Variants in ADGRB3 observed in about 807,000 individuals in gnomAD.
ADGRB3 encodes adhesion G protein-coupled receptor B3.
In ADGRB3, 37 loss-of-function variants were observed where a neutral mutation model predicts 193.4. The observed-to-expected ratio is 0.19, with a 90% confidence interval of 0.15 to 0.25. The LOEUF (loss-of-function observed/expected upper bound fraction) is 0.25. ADGRB3 is among the 10% of genes least tolerant of loss of function. ADGRB3 has a pLI of 1.00. For missense variants in ADGRB3, 1,637 were observed against 1,852.9 expected (o/e 0.88, Z 2.14); for synonymous variants, 690 against 644.2 (o/e 1.07, Z -1.08).
At chr6:69,082,282 G>A (rs1201192086) in intron 17 of ADGRB3, among the ~76,000 whole-genome samples, 1 of 151,984 alleles carries the variant, frequency 6.6e-6, no homozygotes, top group Admixed American at 6.6e-5. Flanking sequence ...TGAAGTAAAT[G>A]AATGAAATAT....
chr6:69,287,402 C>G (rs1767575450), intron 20 of ADGRB3, among the ~76,000 whole-genome samples: 1 of 151,674 alleles, frequency 6.6e-6, no homozygotes, highest in African/African-American at 2.4e-5. Context: ...TAACTTACAC[C>G]AATGTTCAAC....
intron 15 of ADGRB3, among the ~76,000 whole-genome samples, chr6:69,059,152 A>G (rs1048440396): frequency 1.3e-5 from 2 of 152,066 alleles, no homozygotes; most frequent in Admixed American, 6.6e-5. Context: ...TTAGGTGCAC[A>G]TATATTTATA....
chr6:68,724,853 G>T (rs576556403), intron 3 of ADGRB3, among the ~76,000 whole-genome samples: 4 of 151,754 alleles, frequency 2.6e-5, no homozygotes, highest in African/African-American at 9.6e-5. Context: ...GCAAGACATG[G>T]TCTGTGCATT....
At chr6:69,035,262 A>C (rs7770947) in intron 13 of ADGRB3, among the ~76,000 whole-genome samples, 1 of 151,914 alleles carries the variant, frequency 6.6e-6, no homozygotes, top group African/African-American at 2.4e-5. Context: ...TATTGCTGCT[A>C]TTGCCCCTTT....
At chr6:68,983,378 C>G (rs1403306398) in intron 10 of ADGRB3, among the ~76,000 whole-genome samples, 1 of 151,038 alleles carries the variant, frequency 6.6e-6, no homozygotes, top group Admixed American at 6.6e-5. Flanking sequence ...CACGGCCATA[C>G]CACTCTGAAT....
intron 17 of ADGRB3, among the ~76,000 whole-genome samples, chr6:69,144,356 A>G (rs1297365208): frequency 6.6e-6 from 1 of 152,204 alleles, no homozygotes; most frequent in Non-Finnish European, 1.5e-5. Flanking sequence ...ATCTGCAAAC[A>G]AGGATAATTT....
chr6:69,354,570 G>A (rs1402671808), intron 27 of ADGRB3, among the ~76,000 whole-genome samples: 1 of 152,158 alleles, frequency 6.6e-6, no homozygotes, highest in East Asian at 1.9e-4. Flanking sequence ...TGTGAAGTAT[G>A]TTCCTCCTTG....
At chr6:68,784,341 G>A (rs2127362735) in intron 3 of ADGRB3, among the ~76,000 whole-genome samples, 2 of 152,184 alleles carry the variant, frequency 1.3e-5, no homozygotes, top group South Asian at 4.1e-4. Context: ...AGCGATACCA[G>A]TGTTACTTTT....
chr6:68,735,661 C>T (rs958530904), intron 3 of ADGRB3, among the ~76,000 whole-genome samples: 1 of 151,964 alleles, frequency 6.6e-6, no homozygotes, highest in African/African-American at 2.4e-5. Context: ...TGCTTTTAAA[C>T]TGAATAACCC....
chr6:68,919,944 T>A (rs1766989481), intron 3 of ADGRB3, among the ~76,000 whole-genome samples: 1 of 152,186 alleles, frequency 6.6e-6, no homozygotes. Flanking sequence ...TTACCCTTTA[T>A]TAATCAAGAA....
At chr6:69,138,386 A>C (rs952853647) in intron 17 of ADGRB3, among the ~76,000 whole-genome samples, 2 of 152,220 alleles carry the variant, frequency 1.3e-5, no homozygotes, top group East Asian at 3.8e-4. Context: ...ATAGCTATGT[A>C]ATGACTCTGA....
intron 3 of ADGRB3, among the ~76,000 whole-genome samples, chr6:68,878,790 G>C (rs1438706034): frequency 6.6e-6 from 1 of 152,138 alleles, no homozygotes; most frequent in Non-Finnish European, 1.5e-5. Flanking sequence ...GGTTTAACTG[G>C]ACTTACAGTT....
intron 3 of ADGRB3, among the ~76,000 whole-genome samples, chr6:68,775,372 G>A (rs1766719527): frequency 6.6e-6 from 1 of 152,062 alleles, no homozygotes; most frequent in African/African-American, 2.4e-5. Context: ...CCAGGCTGCT[G>A]TGGGTCACTA....
chr6:69,270,793 A>G (rs1466203905), intron 20 of ADGRB3, among the ~76,000 whole-genome samples: 1 of 152,228 alleles, frequency 6.6e-6, no homozygotes, highest in Non-Finnish European at 1.5e-5. Context: ...TACAACACAC[A>G]AATTAAATCA....
chr6:69,388,885 A>G lies in ADGRB3; in HGVS notation c.4563A>G (p.Glu1521=), dbSNP rs1374925068. 1.2e-6 allele frequency: 2 copies of G among 1,610,538 alleles called. No homozygotes were observed. The highest frequency in any genetic ancestry group is 1.1e-5 in the South Asian group (1 of 90,584). Residue 1521 remains glutamate, a synonymous_variant, in exon 32 of 32, where the codon GAA becomes GAG. Coordinates refer to ENST00000370598, the MANE Select transcript of ADGRB3 (RefSeq NM_001704.3). ...TGCAAGAGGGTGACTTTCAAACAGAAGTTTAAAAAAATCAAAATGGACTAA... is the reference window on the plus strand; with the variant it reads ...TGCAAGAGGGTGACTTTCAAACAGAGGTTTAAAAAAATCAAAATGGACTAA... ...LDVQEGDFQT[E]V is the part of the protein sequence containing the mutation.
intron 20 of ADGRB3, among the ~76,000 whole-genome samples, chr6:69,291,549 A>G (rs1767682392): frequency 6.6e-6 from 1 of 152,214 alleles, no homozygotes. Context: ...CCTTAGTATC[A>G]TTAGCAGTAA....
Position 68,916,647 on chromosome 6 carries a change from A to C in ADGRB3, c.758-13912A>C, listed in dbSNP as rs557698487. 9.5e-4 allele frequency among the ~76,000 whole-genome samples: 145 copies of C among 152,336 alleles called. 2 individuals are homozygous for C. The highest frequency in any genetic ancestry group is 1.6e-3 in the Non-Finnish European group (111 of 68,024). The stretch of plus-strand genomic sequence containing the variant: ...AGTACTTTGTATTTGATAGTCGGGA[A>C]GGGTCTCTTGAAAGGGGTGAAATTT... On this transcript the variant is annotated intron_variant, in intron 3 of 31. Transcript: ENST00000370598.
intron 20 of ADGRB3, among the ~76,000 whole-genome samples, chr6:69,291,913 C>G (rs1767692658): frequency 6.6e-6 from 1 of 152,146 alleles, no homozygotes; most frequent in Non-Finnish European, 1.5e-5. Flanking sequence ...ATAAGACCCT[C>G]ATGTGAGAGG....
chr6:69,272,765 A>G (rs1016528761), intron 20 of ADGRB3, among the ~76,000 whole-genome samples: 6 of 152,338 alleles, frequency 3.9e-5, no homozygotes, highest in Non-Finnish European at 8.8e-5. Flanking sequence ...GTAGCTGTAA[A>G]GGGATTGGTG....
Sources: allele counts gnomAD v4.1 joint callset (sites outside exome capture counted in the v4.1 genomes callset), GRCh38; gene constraint gnomAD v4.1.1; transcripts MANE v1.5; gene names NCBI Gene and HGNC (gene_info 2026-07-23, HGNC 2026-07-21).